Variants in GTPBP1 observed in about 807,000 individuals in gnomAD.
GTPBP1 encodes the protein GTP-binding protein 1.
A neutral mutation model predicts 62.0 loss-of-function variants in GTPBP1; 23 were observed. The ratio of observed to expected loss-of-function variants is 0.37; its 90% CI spans 0.27 to 0.53. The LOEUF (loss-of-function observed/expected upper bound fraction) is 0.53, where lower values mean the gene tolerates loss of function less well. Among genes scored for constraint, GTPBP1 ranks in the 20% least tolerant of loss-of-function variants. The pLI, the probability that GTPBP1 is intolerant of heterozygous loss-of-function variation, is 0.89. For missense variants in GTPBP1, 640 were observed against 917.3 expected, an observed-to-expected ratio of 0.70 and a Z score of 3.90; for synonymous variants, 344 against 364.4, an observed-to-expected ratio of 0.94 and a Z score of 0.64.
chr22:38,714,081 C>T (rs1041833327), intron 2 of GTPBP1, among the ~76,000 whole-genome samples: 2 of 152,034 alleles, frequency 1.3e-5, no homozygotes, highest in African/African-American at 2.4e-5. Flanking sequence ...TCAGGTGATG[C>T]GTGAGCAGGG....
At chr22:38,734,359 G>A (rs2092782858), downstream of GTPBP1, 1 of 445,228 alleles carries the variant, frequency 2.2e-6, no homozygotes, top group South Asian at 1.6e-5. Flanking sequence ...AATTCCCATG[G>A]AGGAGAATCA....
At chr22:38,740,315 C>A (rs537365600), downstream of GTPBP1, 2 of 1,603,292 alleles carry the variant, frequency 1.2e-6, no homozygotes, top group Non-Finnish European at 8.5e-7. The surrounding 1 kb of genome is among the most constrained non-coding windows in gnomAD (Gnocchi z 4.8). Context: ...CCACTTCTTC[C>A]GCCACCGAGC....
chr22:38,715,801 G>A, intron 2 of GTPBP1, 106 bp from the exon 3 acceptor site: 1 of 840,520 alleles, frequency 1.2e-6, no homozygotes, highest in South Asian at 1.6e-5. Flanking sequence ...GCAGTGCTGG[G>A]GTCGGGGGGT....
At chr22:38,722,408 C>G (rs111615433) in intron 5 of GTPBP1, among the ~76,000 whole-genome samples, 3,511 of 152,268 alleles carry the variant, frequency 0.023, 133 homozygotes, top group African/African-American at 0.078. Context: ...CAGAAGCTTT[C>G]AATGTGTGTT....
chr22:38,710,180 T>A (rs947710197), intron 2 of GTPBP1, among the ~76,000 whole-genome samples: 4 of 152,252 alleles, frequency 2.6e-5, no homozygotes, highest in Non-Finnish European at 4.4e-5. Flanking sequence ...CAGGTAATAA[T>A]TCTTTTGTAG....
At chr22:38,736,206 A>T (rs571499480), downstream of GTPBP1, 12 of 1,485,740 alleles carry the variant, frequency 8.1e-6, no homozygotes, top group East Asian at 2.7e-4. Context: ...CGTGTGGGGG[A>T]AGCGGCGGGG....
chr22:38,722,801 A>G, intron 5 of GTPBP1: 4 of 1,598,256 alleles, frequency 2.5e-6, no homozygotes, highest in Admixed American at 1.7e-5. Context: ...TGATTGTAGG[A>G]GAATCCAGTG....
chr22:38,729,728 G>A (rs2092746818), intron 11 of GTPBP1, 66 bp downstream of exon 11: 19 of 1,255,110 alleles, frequency 1.5e-5, no homozygotes, highest in Non-Finnish European at 1.9e-5. Flanking sequence ...CTGATTCGGT[G>A]AGGGTGACAT....
chr22:38,711,601 G>A (rs2145843941), intron 2 of GTPBP1, among the ~76,000 whole-genome samples: 1 of 152,068 alleles, frequency 6.6e-6, no homozygotes, highest in East Asian at 1.9e-4. Flanking sequence ...CAGCACTTTG[G>A]GAGGCCAAGG....
rs373901500 is a variant in GTPBP1, at chr22:38,716,106, A to G, written c.485+19A>G. On this transcript the variant is annotated intron_variant, in intron 3 of 11. Transcript: ENST00000216044. This position sits in a 1 kb window ranked among gnomAD's most constrained non-coding sequence, Gnocchi z 5.2. Reference sequence around the variant, plus strand: ...AGGTCAGGTGAGGAGGCCGCGGGACATTTTGGGGTCCCCATTCTTCACAGA... The same window carrying G: ...AGGTCAGGTGAGGAGGCCGCGGGACGTTTTGGGGTCCCCATTCTTCACAGA... 2.6e-6 allele frequency: 4 copies of G among 1,555,708 alleles called. No individual in the cohort carries two copies. Among genetic ancestry groups the G allele is most frequent in the African/African-American group, 2.7e-5 (2 of 73,176 alleles).
At chr22:38,711,523 A>G (rs1399231925) in intron 2 of GTPBP1, among the ~76,000 whole-genome samples, 3 of 152,132 alleles carry the variant, frequency 2.0e-5, no homozygotes, top group African/African-American at 7.2e-5. Context: ...TAATTTTTTT[A>G]AGGGTCCCAG....
chr22:38,737,993 G>C (rs568618600), downstream of GTPBP1: 3 of 718,820 alleles, frequency 4.2e-6, no homozygotes, highest in East Asian at 8.1e-5. The surrounding 1 kb of genome is among the most constrained non-coding windows in gnomAD (Gnocchi z 4.1). Context: ...GCCTTCCCCT[G>C]TGCTGACGTC....
At chr22:38,742,701 C>CTCG (rs904098989), downstream of GTPBP1, 47 of 1,106,124 alleles carry the variant, frequency 4.2e-5, no homozygotes, top group Non-Finnish European at 5.5e-5. Context: ...CCGGCTGGAG[C>CTCG]TCGTGGGCAG....
chr22:38,739,988 C>A, downstream of GTPBP1: 1 of 1,586,080 alleles, frequency 6.3e-7, no homozygotes, highest in Non-Finnish European at 8.6e-7. This position sits in a 1 kb window ranked among gnomAD's most constrained non-coding sequence, Gnocchi z 6.7. Flanking sequence ...CTTGCAGGGA[C>A]AGCAGGAGCT....
At position 38,726,184 on chromosome 22, in the gene GTPBP1, CT is replaced by C; in HGVS notation, c.1218+36del. The C allele has an allele frequency of 6.2e-7, 1 of 1,609,226 alleles. No individual in the cohort carries two copies. The highest frequency in any genetic ancestry group is 1.1e-5 in the South Asian group (1 of 90,914). Reference sequence around the variant, plus strand: ...CTCTGGGCGGGTAGCTGGGTGGGCACTTCCTACAGTGGCATCAGGGGGTGGG... The same window carrying C: ...CTCTGGGCGGGTAGCTGGGTGGGCACTCCTACAGTGGCATCAGGGGGTGGG... On this transcript the variant is annotated intron_variant, in intron 7 of 11. Transcript: ENST00000216044. The surrounding 1 kb of genome is among the most constrained non-coding windows in gnomAD (Gnocchi z 4.1).
chr22:38,726,674 G>A lies in GTPBP1; in HGVS notation c.1401+234G>A, dbSNP rs1480313057. The stretch of plus-strand genomic sequence containing the variant: ...CTTCTAAGCTCCGTTCCTCCCTCTG[G>A]TGCCTGAGCAGGGTGGCCTGAGCTC... On this transcript the variant is annotated intron_variant, in intron 8 of 11. Transcript: ENST00000216044. This position sits in a 1 kb window ranked among gnomAD's most constrained non-coding sequence, Gnocchi z 4.1. 6.6e-6 allele frequency among the ~76,000 whole-genome samples: 1 copy of A among 152,200 alleles called. No individual in the cohort carries two copies. The highest frequency in any genetic ancestry group is 1.5e-5 in the Non-Finnish European group (1 of 68,028).
At chr22:38,736,088 TA>T, downstream of GTPBP1, 1 of 685,564 alleles carries the variant, frequency 1.5e-6, no homozygotes, top group Non-Finnish European at 2.7e-6. Flanking sequence ...TGGAGCCTGC[TA>T]ACCGCCTCGA....
Position 38,727,902 on chromosome 22 carries a change from C to T in GTPBP1, c.1538-81C>T. The T allele has an allele frequency of 1.1e-6, 1 of 942,478 alleles. No individual in the cohort carries two copies. The highest frequency in any genetic ancestry group is 1.7e-6 in the Non-Finnish European group (1 of 587,642). The allele number at this position is 942,478 out of a possible 1,614,324, so 58.4% of individuals were successfully genotyped here. A position where few individuals can be genotyped will look rare whatever the true frequency, so the allele number is the denominator to read the frequency against. ...ACCCTTCCACAGCTTAAGCGTATTT[C>T]ATGCTTTCACTCACTGCCTCCCGTT... is the stretch of plus-strand genomic sequence containing the variant. On this transcript the variant is annotated intron_variant, in intron 9 of 11. Coordinates refer to ENST00000216044, the MANE Select transcript of GTPBP1 (RefSeq NM_004286.5). This position sits in a 1 kb window ranked among gnomAD's most constrained non-coding sequence, Gnocchi z 6.5.
chr22:38,716,682 C>G lies in GTPBP1; in HGVS notation c.516C>G (p.Gly172=), dbSNP rs750581003. The change falls in exon 4 of 12, where the codon GGC becomes GGG. Residue 172 remains glycine, a synonymous_variant. Coordinates refer to ENST00000216044, the MANE Select transcript of GTPBP1 (RefSeq NM_004286.5). The surrounding 1 kb of genome is among the most constrained non-coding windows in gnomAD (Gnocchi z 5.2). ...RVAVVGNVDA[G]KSTLLGVLTH... ...CAGTGGTGGGCAACGTGGATGCTGG[C>G]AAAAGCACGCTTCTGGGGGTCCTGA... The G allele has an allele frequency of 6.2e-7, 1 of 1,613,902 alleles. No individual in the cohort carries two copies.
Sources: gnomAD v4.1 joint callset for allele counts (sites outside exome capture counted in the v4.1 genomes callset) on GRCh38, gnomAD v4.1.1 for gene constraint, Gnocchi (gnomAD v3.1) non-coding constraint, MANE v1.5 for transcripts, NCBI Gene and HGNC (gene_info 2026-07-23, HGNC 2026-07-21) for gene names.